Variants in KAZN observed in about 807,000 individuals in gnomAD.
KAZN encodes the protein kazrin, periplakin interacting protein.
In KAZN, 40 loss-of-function variants were observed where a neutral mutation model predicts 87.4. The ratio of observed to expected loss-of-function variants is 0.46; its 90% CI spans 0.36 to 0.60. The LOEUF (loss-of-function observed/expected upper bound fraction) is 0.60, where lower values mean the gene tolerates loss of function less well. KAZN is among the 20% of genes least tolerant of loss of function. The pLI, the probability that KAZN is intolerant of heterozygous loss-of-function variation, is 0.00. For missense variants in KAZN, 898 were observed against 1,073.9 expected (o/e 0.84, Z 2.29); for synonymous variants, 466 against 458.3 (o/e 1.02, Z -0.22).
chr1:14,353,278 G>A (rs573039351), intron 2 of KAZN, among the ~76,000 whole-genome samples: 19 of 149,784 alleles, frequency 1.3e-4, no homozygotes, highest in African/African-American at 4.7e-4. Context: ...AGGCTGGAGT[G>A]CAGTGGCGCG....
At chr1:13,905,301 G>A (rs1262653899) in intron 1 of KAZN, among the ~76,000 whole-genome samples, 7 of 152,150 alleles carry the variant, frequency 4.6e-5, no homozygotes, top group East Asian at 1.9e-4. Flanking sequence ...TTGCAAGATT[G>A]GATTTTGAGC....
intron 2 of KAZN, among the ~76,000 whole-genome samples, chr1:14,239,451 G>GGTTCTTTTT (rs1337342923): frequency 3.6e-5 from 4 of 110,646 alleles, no homozygotes; most frequent in Non-Finnish European, 7.6e-5. Context: ...CATAAGTTGG[G>GGTTCTTTTT]TTTCTTTTTT....
At chr1:14,978,092 C>T (rs1357015086) in intron 2 of KAZN, among the ~76,000 whole-genome samples, 1 of 152,024 alleles carries the variant, frequency 6.6e-6, no homozygotes. Flanking sequence ...AGTTTCTGGT[C>T]CAGGCGAACG....
chr1:14,503,493 G>A (rs1408851720), intron 2 of KAZN, among the ~76,000 whole-genome samples: 1 of 149,312 alleles, frequency 6.7e-6, no homozygotes, highest in Non-Finnish European at 1.5e-5. Flanking sequence ...CAAAAAAAAA[G>A]ATTCAATGAA....
intron 2 of KAZN, among the ~76,000 whole-genome samples, chr1:14,331,714 C>A (rs868413851): frequency 3.3e-5 from 5 of 152,218 alleles, no homozygotes; most frequent in African/African-American, 1.2e-4. Flanking sequence ...AAAACTAGAA[C>A]CTTCATCTAA....
chr1:14,628,150 C>T lies in KAZN; in HGVS notation c.226+28927C>T, dbSNP rs1314990270. 2.0e-5 allele frequency among the ~76,000 whole-genome samples: 3 copies of T among 152,338 alleles called. No individual in the cohort carries two copies. The East Asian group carries it at 5.8e-4, about 29-fold the overall frequency. The stretch of plus-strand genomic sequence containing the variant: ...ATTGCTACAGACCGGGTACAGATTA[C>T]ACCTGATCTGGTCCTGGGGCAGTGG... On this transcript the variant is annotated intron_variant, in intron 1 of 14. Transcript: ENST00000376030.
chr1:14,970,198 G>A lies in KAZN; in HGVS notation c.418+9323G>A, dbSNP rs563834447. Reference sequence around the variant, plus strand: ...GGTTTACAGAAAAGTTTCTAAGATAGTACGGAGCGTTGCTGTATACCCAGT... The same window carrying A: ...GGTTTACAGAAAAGTTTCTAAGATAATACGGAGCGTTGCTGTATACCCAGT... On this transcript the variant is annotated intron_variant, in intron 2 of 14. Transcript: ENST00000376030. Among the ~76,000 whole-genome samples, 6 of 152,308 alleles carry A rather than the reference G, an allele frequency of 3.9e-5. No individual in the cohort carries two copies. The East Asian group carries it at 1.2e-3, about 29-fold the overall frequency.
In KAZN at chr1:15,112,258, A is replaced by G. The variant is rs1238144892; in HGVS notation, c.2049-169A>G. 28 of 620,498 alleles carry G rather than the reference A, an allele frequency of 4.5e-5. No individual in the cohort carries two copies. In the Admixed American group the frequency reaches 6.2e-4, roughly 14 times the overall value. 38.4% of individuals were successfully genotyped at this position (620,498 alleles called of 1,614,324 possible). On this transcript the variant is annotated intron_variant, in intron 13 of 14. Coordinates refer to ENST00000376030, the MANE Select transcript of KAZN (RefSeq NM_201628.3). ...GGCATGTTGTGAGAATCACGCTTAT[A>G]AAGTGCTGAGCACAAGGATGGCACG...
chr1:14,712,089 G>A (rs148648688), intron 1 of KAZN, among the ~76,000 whole-genome samples: 1 of 152,256 alleles, frequency 6.6e-6, no homozygotes, highest in African/African-American at 2.4e-5. Context: ...GGGGAGAAAG[G>A]GTTTTAGGGG....
intron 1 of KAZN, among the ~76,000 whole-genome samples, chr1:14,169,327 T>C (rs12562042): frequency 0.15 from 22,397 of 151,964 alleles, 1,878 homozygotes; most frequent in East Asian, 0.33. Context: ...CCTTCCCTGC[T>C]CTTCTCTTGT....
At chr1:14,463,316 C>CT in intron 2 of KAZN, among the ~76,000 whole-genome samples, 1 of 152,220 alleles carries the variant, frequency 6.6e-6, no homozygotes, top group Admixed American at 6.5e-5. Context: ...GGCTTCTTCA[C>CT]TTTATCTTGT....
At chr1:14,288,105 A>C (rs1036915612) in intron 2 of KAZN, among the ~76,000 whole-genome samples, 1 of 152,232 alleles carries the variant, frequency 6.6e-6, no homozygotes, top group Non-Finnish European at 1.5e-5. Context: ...GGATTTTCAC[A>C]TCGATGTTCA....
intron 1 of KAZN, among the ~76,000 whole-genome samples, chr1:14,116,099 G>T (rs955572299): frequency 6.6e-5 from 10 of 152,160 alleles, no homozygotes; most frequent in Non-Finnish European, 1.3e-4. Context: ...TCAAAAATTT[G>T]CATCCTGACA....
chr1:14,350,132 TC>T (rs1330581103), intron 2 of KAZN, among the ~76,000 whole-genome samples: 1 of 65,014 alleles, frequency 1.5e-5, no homozygotes, highest in African/African-American at 7.6e-5. Context: ...AGACTCCATC[TC>T]AAAAAAAAAA....
chr1:14,643,503 G>A (rs60145200), intron 1 of KAZN, among the ~76,000 whole-genome samples: 16,632 of 152,140 alleles, frequency 0.11, 2,608 homozygotes, highest in African/African-American at 0.35. Context: ...ACATGATCTC[G>A]TTTTTTATGG....
chr1:14,745,831 C>T (rs1316202389), intron 1 of KAZN, among the ~76,000 whole-genome samples: 5 of 152,128 alleles, frequency 3.3e-5, no homozygotes, highest in Admixed American at 1.3e-4. Context: ...ATGTTACTAT[C>T]GTCTTGATTT....
chr1:14,893,582 C>A (rs1654954454), intron 1 of KAZN, among the ~76,000 whole-genome samples: 1 of 151,696 alleles, frequency 6.6e-6, no homozygotes, highest in Non-Finnish European at 1.5e-5. Flanking sequence ...GGCCCCCTCG[C>A]CTTTACTGCT....
chr1:15,049,897 G>C (rs945934750), intron 4 of KAZN, among the ~76,000 whole-genome samples: 1 of 152,018 alleles, frequency 6.6e-6, no homozygotes, highest in Non-Finnish European at 1.5e-5. Context: ...GATGGCAGGC[G>C]CCTGTAATCC....
At chr1:14,546,675 A>G (rs1043433553) in intron 2 of KAZN, among the ~76,000 whole-genome samples, 4 of 152,172 alleles carry the variant, frequency 2.6e-5, no homozygotes, top group African/African-American at 9.7e-5. Flanking sequence ...AAGACACTTT[A>G]TCACTCTTGT....
Sources: gnomAD v4.1 joint callset for allele counts (sites outside exome capture counted in the v4.1 genomes callset) on GRCh38, gnomAD v4.1.1 for gene constraint, MANE v1.5 for transcripts, NCBI Gene and HGNC (gene_info 2026-07-23, HGNC 2026-07-21) for gene names.